Variants in PHF24 observed in about 807,000 individuals in gnomAD.
PHF24 encodes Galpha inhibitory interacting protein.
A neutral mutation model predicts 42.6 loss-of-function variants in PHF24; 25 were observed. The observed-to-expected ratio is 0.59, with a 90% CI of 0.43 to 0.82. The LOEUF is 0.82. PHF24 is among the 40% of genes least tolerant of loss of function. The pLI, the probability that PHF24 is intolerant of heterozygous loss-of-function variation, is 0.00. For missense variants in PHF24, 470 were observed against 538.1 expected, an observed-to-expected ratio of 0.87 and a Z score of 1.25; for synonymous variants, 185 against 204.8, an observed-to-expected ratio of 0.90 and a Z score of 0.83.
At chr9:34,782,439 C>T in the PHF24 span, among the ~76,000 whole-genome samples, 7 of 152,196 alleles carry the variant, frequency 4.6e-5, no homozygotes, top group Admixed American at 6.5e-5. Context: ...AAATCCCATA[C>T]CCCGCTTATG....
the PHF24 span, among the ~76,000 whole-genome samples, chr9:34,700,534 T>C: frequency 1.3e-4 from 20 of 152,140 alleles, no homozygotes; most frequent in African/African-American, 4.8e-4. Context: ...ATGAGGATGA[T>C]TGAAGAGGAG....
chr9:34,765,643 A>G, the PHF24 span, among the ~76,000 whole-genome samples: 1 of 147,888 alleles, frequency 6.8e-6, no homozygotes, highest in Non-Finnish European at 1.5e-5. Context: ...ATGGGTCTTG[A>G]CTCTTTATCC....
At chr9:34,835,158 G>A in the PHF24 span, 199 of 1,548,252 alleles carry the variant, frequency 1.3e-4, no homozygotes, top group East Asian at 4.6e-3. Flanking sequence ...CTTTGTTCTG[G>A]GTTCATTGTG....
At chr9:34,800,382 A>G in the PHF24 span, among the ~76,000 whole-genome samples, 1 of 152,206 alleles carries the variant, frequency 6.6e-6, no homozygotes, top group Admixed American at 6.5e-5. Context: ...GAAAACTAAG[A>G]TTTCAGGAGG....
At chr9:34,833,198 C>A in the PHF24 span, 2 of 1,533,738 alleles carry the variant, frequency 1.3e-6, no homozygotes, top group African/African-American at 2.8e-5. Context: ...TGGGTCCTTG[C>A]TCTTGCTAGG....
At chr9:34,953,762 G>C (rs865789882), upstream of PHF24, among the ~76,000 whole-genome samples, 1 of 151,656 alleles carries the variant, frequency 6.6e-6, no homozygotes, top group Non-Finnish European at 1.5e-5. This position sits in a 1 kb window ranked among gnomAD's most constrained non-coding sequence, Gnocchi z 4.1. Context: ...CTGGGCAACA[G>C]TGAGACCCCC....
the PHF24 span, among the ~76,000 whole-genome samples, chr9:34,933,744 CA>C: frequency 6.7e-6 from 1 of 149,538 alleles, no homozygotes; most frequent in East Asian, 2.0e-4. Flanking sequence ...AAAACAAAAA[CA>C]AAAAAACATG....
At chr9:34,855,552 A>G in the PHF24 span, among the ~76,000 whole-genome samples, 7 of 152,234 alleles carry the variant, frequency 4.6e-5, no homozygotes, top group African/African-American at 1.7e-4. Flanking sequence ...TTGGCTGGAT[A>G]TTAAATTCTG....
chr9:34,864,016 G>A, the PHF24 span, among the ~76,000 whole-genome samples: 116 of 152,336 alleles, frequency 7.6e-4, no homozygotes, highest in Non-Finnish European at 1.2e-3. Context: ...ACTGAAGAAT[G>A]CATCAGAGTC....
chr9:34,689,512 C>G, the PHF24 span: 1 of 297,018 alleles, frequency 3.4e-6, no homozygotes, highest in Non-Finnish European at 6.1e-6. The surrounding 1 kb of genome is among the most constrained non-coding windows in gnomAD (Gnocchi z 4.1). Context: ...TTTTTTAAGG[C>G]TAGTTAAGCA....
In PHF24 at chr9:34,977,545, G is replaced by C; in HGVS notation, c.1011-1G>C. ...TAACCACGTGTCCTCATGCCCAGCAGCATCAGCCATGTGGGTCCCATCGCA... is the reference window on the plus strand; with the variant it reads ...TAACCACGTGTCCTCATGCCCAGCACCATCAGCCATGTGGGTCCCATCGCA... On this transcript the variant is annotated splice_acceptor_variant, in intron 6 of 7. Coordinates refer to ENST00000242315, the Ensembl canonical transcript of PHF24. LOFTEE classifies it high-confidence loss of function. 1 of 1,606,070 alleles carries C rather than the reference G, an allele frequency of 6.2e-7. No individual in the cohort carries two copies. Among genetic ancestry groups the C allele is most frequent in the Non-Finnish European group, 8.5e-7 (1 of 1,175,940 alleles).
the PHF24 span, among the ~76,000 whole-genome samples, chr9:34,923,852 G>C: frequency 6.6e-6 from 1 of 150,980 alleles, no homozygotes; most frequent in Non-Finnish European, 1.5e-5. Context: ...TTCTAATTTT[G>C]AGTTTGGTTT....
chr9:34,703,914 T>C, the PHF24 span, among the ~76,000 whole-genome samples: 1 of 152,028 alleles, frequency 6.6e-6, no homozygotes, highest in Non-Finnish European at 1.5e-5. Context: ...TAACTGAGGC[T>C]TGTTTGTTTT....
At chr9:34,726,165 T>C in the PHF24 span, 1 of 1,258,342 alleles carries the variant, frequency 7.9e-7, no homozygotes. Context: ...GAACACCAGG[T>C]CTGGAGGGAA....
At chr9:34,800,590 G>A in the PHF24 span, among the ~76,000 whole-genome samples, 25 of 152,150 alleles carry the variant, frequency 1.6e-4, no homozygotes, top group East Asian at 5.8e-4. Flanking sequence ...TTTAATAAAC[G>A]GTGCCGGGAA....
upstream of PHF24, among the ~76,000 whole-genome samples, chr9:34,955,332 GA>G (rs1165975504): frequency 6.8e-6 from 1 of 147,306 alleles, no homozygotes; most frequent in African/African-American, 2.5e-5. Context: ...AAAAAAAAAA[GA>G]AAAGAAAGTT....
At chr9:34,875,825 G>GTGTC in the PHF24 span, among the ~76,000 whole-genome samples, 1 of 151,806 alleles carries the variant, frequency 6.6e-6, no homozygotes, top group African/African-American at 2.4e-5. Context: ...CATGTGGGCA[G>GTGTC]TGTCTGGGGC....
the PHF24 span, chr9:34,727,972 C>A: frequency 1.3e-6 from 2 of 1,522,490 alleles, no homozygotes; most frequent in South Asian, 2.4e-5. Context: ...GCCAAGAAAT[C>A]ATCATAGGCC....
the PHF24 span, among the ~76,000 whole-genome samples, chr9:34,694,159 C>CTTTTTTTTTTTTT: frequency 7.6e-5 from 5 of 66,124 alleles, no homozygotes; most frequent in Non-Finnish European, 1.4e-4. Context: ...TATCTCTATT[C>CTTTTTTTTTTTTT]TTTTTTTTTT....
Sources: gnomAD v4.1 joint callset for allele counts (sites outside exome capture counted in the v4.1 genomes callset) on GRCh38, gnomAD v4.1.1 for gene constraint, Gnocchi (gnomAD v3.1) non-coding constraint, MANE v1.5 for transcripts, NCBI Gene and HGNC (gene_info 2026-07-23, HGNC 2026-07-21) for gene names.